IL1RAPL2: variants seen among roughly 807,000 people sequenced by gnomAD.
IL1RAPL2 encodes the protein X-linked interleukin-1 receptor accessory protein-like 2.
In IL1RAPL2, 3 loss-of-function variants were observed where a neutral mutation model predicts 44.1. The observed-to-expected ratio is 0.07, with a 90% confidence interval of 0.03 to 0.18. The LOEUF (loss-of-function observed/expected upper bound fraction) is 0.18. IL1RAPL2 is among the 10% of genes least tolerant of loss of function. The pLI, the probability that IL1RAPL2 is intolerant of heterozygous loss-of-function variation, is 1.00. For missense variants in IL1RAPL2, 391 were observed against 496.4 expected (o/e 0.79, Z 2.02); for synonymous variants, 181 against 178.8 (o/e 1.01, Z -0.10).
At chrX:105,266,188 C>CATGACA (rs1298393101) in intron 4 of IL1RAPL2, among the ~76,000 whole-genome samples, 6 of 109,921 alleles carry the variant, frequency 5.5e-5, no homozygotes. Flanking sequence ...ATTACAGGCA[C>CATGACA]ATGACACCAC....
intron 6 of IL1RAPL2, among the ~76,000 whole-genome samples, chrX:105,569,699 T>G: frequency 8.9e-6 from 1 of 112,010 alleles, no homozygotes. Context: ...CCTTTGTTGT[T>G]TTAAGCCAAT....
chrX:104,944,791 C>T (rs1157735495), intron 2 of IL1RAPL2, among the ~76,000 whole-genome samples: 1 of 111,257 alleles, frequency 9.0e-6, no homozygotes, highest in African/African-American at 3.3e-5. Context: ...GAGAAATATT[C>T]CTCTTCTGTA....
chrX:105,046,295 G>A (rs1389621653), intron 2 of IL1RAPL2, among the ~76,000 whole-genome samples: 4 of 111,639 alleles, frequency 3.6e-5, no homozygotes, highest in Non-Finnish European at 5.6e-5. Context: ...ACCATGAATA[G>A]TGTCAGCCTG....
At chrX:105,440,140 G>A (rs1158049520) in intron 5 of IL1RAPL2, among the ~76,000 whole-genome samples, 1 of 112,021 alleles carries the variant, frequency 8.9e-6, no homozygotes, top group Non-Finnish European at 1.9e-5. Context: ...CCATACTACA[G>A]ACCTTGGGAG....
chrX:105,455,870 A>G (rs985785001), intron 5 of IL1RAPL2, among the ~76,000 whole-genome samples: 2 of 112,127 alleles, frequency 1.8e-5, no homozygotes, highest in Admixed American at 1.9e-4. Context: ...TGTCATTGGT[A>G]ATTTAATAGA....
At chrX:104,967,413 T>C (rs371546300) in intron 2 of IL1RAPL2, among the ~76,000 whole-genome samples, 1 of 110,884 alleles carries the variant, frequency 9.0e-6, no homozygotes, top group Admixed American at 9.6e-5. Flanking sequence ...CAAACTGATA[T>C]AGAGAAAGAA....
chrX:105,496,792 ACTG>A (rs1396080539), intron 6 of IL1RAPL2, among the ~76,000 whole-genome samples: 1 of 111,777 alleles, frequency 8.9e-6, no homozygotes, highest in Non-Finnish European at 1.9e-5. Context: ...TACACATATG[ACTG>A]CTATTATATA....
chrX:104,816,001 A>C (rs990491807), intron 2 of IL1RAPL2, among the ~76,000 whole-genome samples: 1 of 111,561 alleles, frequency 9.0e-6, no homozygotes, highest in Non-Finnish European at 1.9e-5. Context: ...ATTCCATGCT[A>C]GTTAAAATTT....
At position 104,981,055 on chromosome X, in the gene IL1RAPL2, T is replaced by TTGTGTGTGTGTG. The variant is rs199571900; in HGVS notation, c.83-214396_83-214385dup. On this transcript the variant is annotated intron_variant, in intron 2 of 10. Coordinates refer to ENST00000372582, the MANE Select transcript of IL1RAPL2 (RefSeq NM_017416.2). Reference sequence around the variant, plus strand: ...TCCTGGTTAGCTGTATTCCAAGGTATTGTGTGTGTGTGTGTGTGTGTGTGT... The same window carrying TTGTGTGTGTGTG: ...TCCTGGTTAGCTGTATTCCAAGGTATTGTGTGTGTGTGTGTGTGTGTGTGTGTGTGTGTGTGT... Among the ~76,000 whole-genome samples, 129 of 97,393 alleles carry TTGTGTGTGTGTG rather than the reference T, an allele frequency of 1.3e-3. 1 individual carries two copies. The highest frequency in any genetic ancestry group is 4.8e-3 in the African/African-American group (123 of 25,460). The allele number at this position is 97,393 out of a possible 115,157, so 84.6% of individuals were successfully genotyped here.
At chrX:104,888,995 T>C (rs989424244) in intron 2 of IL1RAPL2, among the ~76,000 whole-genome samples, 39 of 111,418 alleles carry the variant, frequency 3.5e-4, no homozygotes, top group Middle Eastern at 4.6e-3. Flanking sequence ...CAACCTGTTA[T>C]CAGGCCTGCC....
intron 7 of IL1RAPL2, among the ~76,000 whole-genome samples, chrX:105,728,515 T>TATTTA (rs1192481855): frequency 1.8e-5 from 2 of 111,684 alleles, no homozygotes; most frequent in East Asian, 5.7e-4. Context: ...AAAGAAGATT[T>TATTTA]ATTTATTTAA....
At chrX:105,031,887 A>G (rs1421660052) in intron 2 of IL1RAPL2, among the ~76,000 whole-genome samples, 2 of 111,690 alleles carry the variant, frequency 1.8e-5, no homozygotes, top group Non-Finnish European at 3.8e-5. Flanking sequence ...GCTATTGATT[A>G]TTGCCACAAT....
chrX:104,684,962 C>A (rs1930958110), intron 2 of IL1RAPL2, among the ~76,000 whole-genome samples: 2 of 111,913 alleles, frequency 1.8e-5, no homozygotes, highest in African/African-American at 6.5e-5. Flanking sequence ...GGTCAGCATT[C>A]TTTGCTCAAA....
At chrX:105,675,060 C>A (rs182046865) in intron 6 of IL1RAPL2, among the ~76,000 whole-genome samples, 1 of 110,587 alleles carries the variant, frequency 9.0e-6, no homozygotes, top group Non-Finnish European at 1.9e-5. Flanking sequence ...GAAGCTTTGG[C>A]GCTGAGACGA....
intron 2 of IL1RAPL2, among the ~76,000 whole-genome samples, chrX:104,844,097 GT>G (rs373292388): frequency 5.9e-4 from 61 of 103,220 alleles, no homozygotes; most frequent in Middle Eastern, 5.2e-3. Context: ...AAGTGTTGCT[GT>G]TTTTTTTTTA....
intron 1 of IL1RAPL2, among the ~76,000 whole-genome samples, chrX:104,628,532 T>G (rs1181132040): frequency 8.9e-6 from 1 of 112,181 alleles, no homozygotes; most frequent in Non-Finnish European, 1.9e-5. Context: ...ATTCTTTTTT[T>G]ATGGCTGAAT....
intron 2 of IL1RAPL2, among the ~76,000 whole-genome samples, chrX:104,695,457 T>C (rs780012372): frequency 1.6e-4 from 18 of 110,944 alleles, no homozygotes; most frequent in African/African-American, 5.9e-4. Flanking sequence ...TGTTTATGTA[T>C]GGCTAATGGT....
intron 1 of IL1RAPL2, among the ~76,000 whole-genome samples, chrX:104,574,651 T>G (rs769465718): frequency 3.6e-5 from 4 of 112,311 alleles, no homozygotes; most frequent in Non-Finnish European, 5.6e-5. Flanking sequence ...ACAATATAAG[T>G]GGCTCTAATA....
intron 2 of IL1RAPL2, among the ~76,000 whole-genome samples, chrX:105,080,174 G>T (rs1408759300): frequency 3.6e-5 from 4 of 112,026 alleles, no homozygotes; most frequent in African/African-American, 1.3e-4. Context: ...TAGGTTGCCT[G>T]TTCACTCTGA....
Sources: gnomAD v4.1 joint callset for allele counts (sites outside exome capture counted in the v4.1 genomes callset) on GRCh38, gnomAD v4.1.1 for gene constraint, MANE v1.5 for transcripts, NCBI Gene and HGNC (gene_info 2026-07-23, HGNC 2026-07-21) for gene names.